The following RANBP2 variants were observed in gnomAD, a reference collection of about 807,000 sequenced individuals.
The protein encoded by RANBP2 is E3 SUMO-protein ligase RanBP2.
RANBP2 carries 57 observed loss-of-function variants against 303.6 expected under a neutral mutation model. That is an observed-to-expected ratio of 0.19 (90% CI 0.15 to 0.23). RANBP2 has a LOEUF of 0.23. Ranked by LOEUF, RANBP2 falls within the 10% of genes least tolerant of loss-of-function variation. RANBP2 has a pLI of 1.00. For missense variants in RANBP2, 3,138 were observed against 3,780.8 expected (o/e 0.83, Z 4.46); for synonymous variants, 1,167 against 1,301.5 (o/e 0.90, Z 2.23).
At chr2:109,487,284 C>T in the RANBP2 span, among the ~76,000 whole-genome samples, 6 of 152,190 alleles carry the variant, frequency 3.9e-5, no homozygotes, top group African/African-American at 1.2e-4. Flanking sequence ...AGCCTCTCCC[C>T]GAGTACATGC....
At chr2:108,805,424 T>G in the RANBP2 span, among the ~76,000 whole-genome samples, 2 of 152,262 alleles carry the variant, frequency 1.3e-5, no homozygotes, top group South Asian at 4.2e-4. Context: ...TGCAGTATAC[T>G]TATTTATATA....
At chr2:109,374,438 A>G in the RANBP2 span, among the ~76,000 whole-genome samples, 40 of 152,256 alleles carry the variant, frequency 2.6e-4, 1 homozygote, top group East Asian at 5.8e-3. Context: ...CACACACCAC[A>G]TGGATCCTGG....
chr2:109,036,714 T>C, the RANBP2 span, among the ~76,000 whole-genome samples: 1 of 152,132 alleles, frequency 6.6e-6, no homozygotes, highest in Admixed American at 6.6e-5. Context: ...AGAGCATCTA[T>C]TTAAAAACCT....
At chr2:109,190,198 A>C in the RANBP2 span, among the ~76,000 whole-genome samples, 1 of 150,430 alleles carries the variant, frequency 6.6e-6, no homozygotes. Context: ...TTTGAGACGG[A>C]GTCTCACTCT....
chr2:109,614,174 G>A, the RANBP2 span: 3 of 1,171,850 alleles, frequency 2.6e-6, no homozygotes, highest in South Asian at 8.8e-5. Flanking sequence ...GAACTGCGGA[G>A]CAGTGATTGC....
chr2:108,882,979 A>G, the RANBP2 span: 8 of 151,964 alleles, frequency 5.3e-5, no homozygotes, highest in Admixed American at 3.3e-4. Flanking sequence ...GGATGGCGCA[A>G]GTCAGGTGGG....
chr2:109,023,473 CCTAA>C, the RANBP2 span, among the ~76,000 whole-genome samples: 6 of 152,020 alleles, frequency 3.9e-5, no homozygotes, highest in African/African-American at 7.2e-5. Context: ...TGCTGTCAGC[CCTAA>C]CTGTCATGTT....
chr2:109,721,015 T>C, the RANBP2 span, among the ~76,000 whole-genome samples: 1 of 152,214 alleles, frequency 6.6e-6, no homozygotes. Flanking sequence ...CCAAGAGGGC[T>C]GGTGCAGCAT....
chr2:109,426,871 G>C, the RANBP2 span, among the ~76,000 whole-genome samples: 1 of 152,060 alleles, frequency 6.6e-6, no homozygotes, highest in Non-Finnish European at 1.5e-5. Flanking sequence ...TGAGTAGTCA[G>C]CAACTATTCA....
chr2:108,761,384 G>A (rs1676719917), intron 18 of RANBP2, among the ~76,000 whole-genome samples: 2 of 152,088 alleles, frequency 1.3e-5, no homozygotes, highest in Admixed American at 6.6e-5. Flanking sequence ...CTTTTTCCAT[G>A]TACAGGCATA....
the RANBP2 span, among the ~76,000 whole-genome samples, chr2:109,196,356 C>T: frequency 6.6e-6 from 1 of 152,188 alleles, no homozygotes; most frequent in African/African-American, 2.4e-5. Context: ...GGCTTGCAGG[C>T]CTGGCTCGGT....
the RANBP2 span, among the ~76,000 whole-genome samples, chr2:109,114,311 C>T: frequency 6.6e-6 from 1 of 152,108 alleles, no homozygotes; most frequent in Non-Finnish European, 1.5e-5. Flanking sequence ...AATTTCAGAG[C>T]CTGTTATTGG....
the RANBP2 span, among the ~76,000 whole-genome samples, chr2:109,548,403 T>C: frequency 1.0e-3 from 154 of 152,236 alleles, no homozygotes; most frequent in African/African-American, 3.7e-3. Context: ...AAAGACGACA[T>C]AGCTGGGCGT....
At chr2:108,739,875 C>T (rs963392267) in intron 6 of RANBP2, among the ~76,000 whole-genome samples, 1 of 152,102 alleles carries the variant, frequency 6.6e-6, no homozygotes, top group East Asian at 1.9e-4. Flanking sequence ...GTAATCCCAG[C>T]TACTCAGAAG....
chr2:109,079,844 A>T, the RANBP2 span, among the ~76,000 whole-genome samples: 2 of 152,158 alleles, frequency 1.3e-5, no homozygotes, highest in Non-Finnish European at 2.9e-5. Flanking sequence ...TGGGAACTCC[A>T]GGCAGAGGGG....
At chr2:109,108,483 G>A in the RANBP2 span, among the ~76,000 whole-genome samples, 8 of 152,260 alleles carry the variant, frequency 5.3e-5, no homozygotes, top group East Asian at 9.7e-4. Context: ...TGAATGATAC[G>A]GAGGAAGGAA....
chr2:109,167,745 G>A, the RANBP2 span, among the ~76,000 whole-genome samples: 2 of 151,988 alleles, frequency 1.3e-5, no homozygotes, highest in Non-Finnish European at 2.9e-5. Context: ...CTAATTTTTT[G>A]TATTTTTAGT....
chr2:109,338,532 G>A, the RANBP2 span, among the ~76,000 whole-genome samples: 1 of 151,786 alleles, frequency 6.6e-6, no homozygotes, highest in East Asian at 1.9e-4. Context: ...AACAACCCCC[G>A]GCACAGTCAA....
At chr2:109,678,808 C>T in the RANBP2 span, among the ~76,000 whole-genome samples, 1 of 152,210 alleles carries the variant, frequency 6.6e-6, no homozygotes, top group Non-Finnish European at 1.5e-5. Flanking sequence ...GAGCTCCCTG[C>T]TAGTCTCTGT....
Sources: gnomAD v4.1 joint callset for allele counts (sites outside exome capture counted in the v4.1 genomes callset) on GRCh38, gnomAD v4.1.1 for gene constraint, MANE v1.5 for transcripts, NCBI Gene and HGNC (gene_info 2026-07-23, HGNC 2026-07-21) for gene names.